MDN1: variants seen among roughly 807,000 people sequenced by gnomAD.
MDN1 encodes the protein midasin AAA ATPase 1, also known as midasin.
A neutral mutation model predicts 669.2 loss-of-function variants in MDN1; 266 were observed. The ratio of observed to expected loss-of-function variants is 0.40; its 90% CI spans 0.36 to 0.44. MDN1 has a LOEUF of 0.44. MDN1 is among the 20% of genes least tolerant of loss of function. The pLI is 1.00. For missense variants in MDN1, 5,940 were observed against 6,754.0 expected (o/e 0.88, Z 4.22); for synonymous variants, 2,385 against 2,457.1 (o/e 0.97, Z 0.87).
At chr6:89,787,800 A>C (rs548379072) in intron 8 of MDN1, 54 bp downstream of exon 8, 18 of 1,376,096 alleles carry the variant, frequency 1.3e-5, no homozygotes, top group Non-Finnish European at 1.8e-5. Context: ...CTCAGCATGC[A>C]GACTTACGAG....
chr6:89,781,423 A>C lies in MDN1; in HGVS notation c.1619T>G (p.Leu540Arg). The C allele has an allele frequency of 6.2e-7, 1 of 1,614,048 alleles. No individual in the cohort carries two copies. Among genetic ancestry groups the C allele is most frequent in the Non-Finnish European group, 8.5e-7 (1 of 1,179,970 alleles). ...EARRENKRPT[L>R]EGRELSLRDL... ...CCTTAGAGATAATTCTCTTCCCTCA[A>C]GGGTTGGTCTTTTGTTTTCTCTTCT... The change falls in exon 10 of 102, where the codon CTT (leucine) becomes CGT (arginine). Residue 540 changes from leucine to arginine, a missense_variant. Around this residue, in one of 5 missense-constraint regions of MDN1, gnomAD observed 1,203 missense variants for 1,268.9 expected, o/e 0.95. Transcript: ENST00000369393.
chr6:89,650,041 C>G lies in MDN1; in HGVS notation c.16189G>C (p.Asp5397His). The G allele has an allele frequency of 6.2e-7, 1 of 1,614,072 alleles. No homozygotes were observed. The change falls in exon 97 of 102, where the codon GAC becomes CAC. Residue 5397 changes from aspartate to histidine, a missense_variant. Around this residue, in one of 5 missense-constraint regions of MDN1, gnomAD observed 2,280 missense variants for 2,576.3 expected, o/e 0.88. Coordinates refer to ENST00000369393, the MANE Select transcript of MDN1 (RefSeq NM_014611.3). Reference protein sequence around the residue: ...LAIDDSSSMVDNHTKQLAFES... With the variant: ...LAIDDSSSMVHNHTKQLAFES... Reference sequence around the variant, plus strand: ...TTCCTTACCTGCTTGGTATGATTGTCTACCATACTAGAAGAGTCATCGATA... The same window carrying G: ...TTCCTTACCTGCTTGGTATGATTGTGTACCATACTAGAAGAGTCATCGATA...
chr6:89,758,184 G>T, intron 19 of MDN1, 71 bp downstream of exon 19: 1 of 1,250,286 alleles, frequency 8.0e-7, no homozygotes, highest in Non-Finnish European at 1.1e-6. Flanking sequence ...TCACGCCACT[G>T]CACTCCAACC....
At chr6:89,717,345 A>G (rs1159283106) in intron 43 of MDN1, among the ~76,000 whole-genome samples, 1 of 152,166 alleles carries the variant, frequency 6.6e-6, no homozygotes, top group East Asian at 1.9e-4. Context: ...TTGGATTTCT[A>G]CTTCTAAAGA....
intron 7 of MDN1, among the ~76,000 whole-genome samples, chr6:89,788,700 T>C (rs1439929584): frequency 6.6e-6 from 1 of 152,174 alleles, no homozygotes; most frequent in African/African-American, 2.4e-5. Context: ...GAAAATCAAC[T>C]GTGTAGCAAT....
chr6:89,796,347 A>C (rs1461060098), intron 2 of MDN1, among the ~76,000 whole-genome samples: 2 of 149,694 alleles, frequency 1.3e-5, no homozygotes, highest in South Asian at 2.1e-4. Flanking sequence ...AAAAAAAAAA[A>C]AAACAAAAAA....
intron 11 of MDN1, among the ~76,000 whole-genome samples, chr6:89,778,191 T>A (rs1818447236): frequency 1.3e-5 from 2 of 148,458 alleles, no homozygotes; most frequent in Admixed American, 1.3e-4. Flanking sequence ...TATACAGTAT[T>A]GTCTCAACTA....
intron 53 of MDN1, 102 bp from the exon 54 acceptor site, chr6:89,702,163 G>C: frequency 5.2e-6 from 6 of 1,154,698 alleles, no homozygotes; most frequent in Non-Finnish European, 7.1e-6. Context: ...CATCTCCCGG[G>C]AAAAGACACA....
rs908064734 is a variant in MDN1 at position 89,687,562 on chromosome 6, T to C, written c.11356-124A>G. ...TGGGCCCTTAAACAACTTGCACCAA[T>C]TGTAGGAATGAATTTACAGTGTATC... On this transcript the variant is annotated intron_variant, in intron 67 of 101. Transcript: ENST00000369393. 4 of 715,298 alleles carry C rather than the reference T, an allele frequency of 5.6e-6. No individual in the cohort carries two copies. The East Asian group carries it at 1.1e-4, about 19-fold the overall frequency. 44.3% of individuals were successfully genotyped at this position (715,298 alleles called of 1,614,324 possible).
rs1810835139 is a variant in MDN1, at chr6:89,672,140, A to T, written c.13794+60T>A. The T allele has an allele frequency of 2.7e-6, 4 of 1,477,120 alleles. No homozygotes were observed. In the East Asian group the frequency reaches 9.7e-5, roughly 36 times the overall value. 91.5% of individuals were successfully genotyped at this position (1,477,120 alleles called of 1,614,324 possible). The stretch of plus-strand genomic sequence containing the variant: ...ATCTACGTGGAGGGAAGTAAAGCCC[A>T]CTCTGCCTTTGCTCAGTGCATTCTG... On this transcript the variant is annotated intron_variant, in intron 82 of 101. Transcript: ENST00000369393.
At position 89,695,814 on chromosome 6, in the gene MDN1, C is replaced by G; in HGVS notation, c.9562G>C (p.Val3188Leu). The G allele has an allele frequency of 6.2e-7, 1 of 1,613,720 alleles. No homozygotes were observed. The highest frequency in any genetic ancestry group is 8.5e-7 in the Non-Finnish European group (1 of 1,180,030). ...QTLGDMAGQE[V>L]LPKELLCQLL... ...TGGCAGAGCAGTTCCTTGGGCAGCACCTCCTGACCAGCCATGTCCCCAAGT... is the reference window on the plus strand; with the variant it reads ...TGGCAGAGCAGTTCCTTGGGCAGCAGCTCCTGACCAGCCATGTCCCCAAGT... Residue 3188 changes from valine to leucine, a missense_variant, in exon 61 of 102, where the codon GTG (valine) becomes CTG (leucine). This residue lies in a region of MDN1 where 2,292 missense variants were observed against 2,638.3 expected (regional missense o/e 0.87). Coordinates refer to ENST00000369393, the MANE Select transcript of MDN1 (RefSeq NM_014611.3). This position sits in a 1 kb window ranked among gnomAD's most constrained non-coding sequence, Gnocchi z 4.1.
In MDN1 at chr6:89,695,179, C is replaced by A. The variant is rs896351427; in HGVS notation, c.9771+426G>T. 1.3e-5 allele frequency among the ~76,000 whole-genome samples: 2 copies of A among 152,168 alleles called. No individual in the cohort carries two copies. The highest frequency in any genetic ancestry group is 4.8e-5 in the African/African-American group (2 of 41,440). ...CCCAGGAGGCAGAGGTTGCAGTGAG[C>A]CGAGATTGTGCCACTGCACTCCTGC... On this transcript the variant is annotated intron_variant, in intron 61 of 101. Coordinates refer to ENST00000369393, the MANE Select transcript of MDN1 (RefSeq NM_014611.3). This position sits in a 1 kb window ranked among gnomAD's most constrained non-coding sequence, Gnocchi z 4.1.
At chr6:89,727,798 A>T (rs774312883) in intron 37 of MDN1, 35 bp downstream of exon 37, 3 of 1,612,808 alleles carry the variant, frequency 1.9e-6, no homozygotes, top group South Asian at 1.1e-5. Flanking sequence ...CACACACATG[A>T]TCACCGTCTT....
intron 35 of MDN1, among the ~76,000 whole-genome samples, chr6:89,730,433 G>A (rs1815514610): frequency 6.6e-6 from 1 of 152,190 alleles, no homozygotes; most frequent in Non-Finnish European, 1.5e-5. Flanking sequence ...AACATTAGTA[G>A]AGTTTAGAGC....
chr6:89,674,538 C>A lies in MDN1; in HGVS notation c.12813G>T (p.Gln4271His), dbSNP rs200401363. 2.0e-4 allele frequency: 324 copies of A among 1,600,384 alleles called. No individual in the cohort carries two copies. Among genetic ancestry groups the A allele is most frequent in the Non-Finnish European group, 2.6e-4 (303 of 1,177,200 alleles). The change falls in exon 79 of 102, where the codon CAG (glutamine) becomes CAT (histidine). Residue 4271 changes from glutamine (Q) to histidine (H), a missense_variant. By Grantham distance (24) the Gln-to-His change is conservative (BLOSUM62 0). Coordinates refer to ENST00000369393, the MANE Select transcript of MDN1 (RefSeq NM_014611.3). ...GAGGGGGGAAGGCCACGGGGTAGGC[C>A]TGGGGCCCCATCAGCCTGCTGTGAA... Reference protein sequence around the residue: ...QEIHSRLMGPQAYPVAFPPQD... With the variant: ...QEIHSRLMGPHAYPVAFPPQD...
In MDN1 at chr6:89,683,171, T is replaced by G. The variant is rs778801999; in HGVS notation, c.12063A>C (p.Ala4021=). The stretch of plus-strand genomic sequence containing the variant: ...GTTGGGCTAACAGGGTCTCCCTCAG[T>G]GCCCTGTTCAGATTCTGAATGGAAG... The part of the protein sequence containing the change: ...ELSSIQNLNR[A]LRETLLAQPA... The change falls in exon 73 of 102, where the codon GCA becomes GCC. Residue 4021 remains alanine (A), a synonymous_variant. Transcript: ENST00000369393. 1.2e-6 allele frequency: 2 copies of G among 1,614,024 alleles called. No individual in the cohort carries two copies. Among genetic ancestry groups the G allele is most frequent in the Non-Finnish European group, 8.5e-7 (1 of 1,180,020 alleles).
intron 74 of MDN1, among the ~76,000 whole-genome samples, chr6:89,678,974 C>A (rs1286213650): frequency 1.3e-5 from 2 of 152,166 alleles, no homozygotes; most frequent in Non-Finnish European, 2.9e-5. Flanking sequence ...CACAGGATTT[C>A]AAATCTCTTG....
Position 89,762,393 on chromosome 6 carries a change from C to A in MDN1, c.2282G>T (p.Trp761Leu). ...CTGCATTAGTCTCAGGAGATCATGC[C>A]ACCGTTTCTGTCTGTAACAGGTCTG... ...HIQTCYRQKR[W>L]HDLLRLMQHV... The change falls in exon 16 of 102, where the codon TGG becomes TTG. Residue 761 changes from tryptophan (W) to leucine (L), a missense_variant. By Grantham distance (61) the Trp-to-Leu change is moderately conservative. Coordinates refer to ENST00000369393, the MANE Select transcript of MDN1 (RefSeq NM_014611.3). 1 of 1,614,148 alleles carries A rather than the reference C, an allele frequency of 6.2e-7. No homozygotes were observed.
At chr6:89,705,955 A>G (rs1357944460) in intron 53 of MDN1, 104 bp downstream of exon 53, 6 of 990,466 alleles carry the variant, frequency 6.1e-6, no homozygotes, top group Non-Finnish European at 7.2e-6. Context: ...CTTAAATAAT[A>G]TTGGGCATAT....
Sources: allele counts gnomAD v4.1 joint callset (sites outside exome capture counted in the v4.1 genomes callset), GRCh38; gene constraint gnomAD v4.1.1; regional missense constraint gnomAD v4.1.1; non-coding constraint Gnocchi (gnomAD v3.1); transcripts MANE v1.5; gene names NCBI Gene and HGNC (gene_info 2026-07-23, HGNC 2026-07-21).